CDH13: variants seen among roughly 807,000 people sequenced by gnomAD.
CDH13 encodes the protein cadherin-13.
A neutral mutation model predicts 63.8 loss-of-function variants in CDH13; 24 were observed. That is an observed-to-expected ratio of 0.38 (90% CI 0.27 to 0.53). The LOEUF (loss-of-function observed/expected upper bound fraction) is 0.53, where lower values mean the gene tolerates loss of function less well. CDH13 is among the 20% of genes least tolerant of loss of function. The pLI, the probability that CDH13 is intolerant of heterozygous loss-of-function variation, is 0.85. For synonymous variants in CDH13, 503 were observed against 355.3 expected (o/e 1.42, Z -4.67); for missense variants, 1,049 against 903.1 (o/e 1.16, Z -2.07).
At chr16:83,692,607 C>T (rs1209222582) in intron 10 of CDH13, among the ~76,000 whole-genome samples, 2 of 152,180 alleles carry the variant, frequency 1.3e-5, no homozygotes, top group Admixed American at 1.3e-4. Flanking sequence ...CCTTATTTTG[C>T]CAAACTTACT....
intron 8 of CDH13, among the ~76,000 whole-genome samples, chr16:83,646,174 A>C (rs1246136025): frequency 6.6e-6 from 1 of 152,118 alleles, no homozygotes; most frequent in African/African-American, 2.4e-5. Flanking sequence ...CGGGGTCTGA[A>C]TCCCATCTCT....
chr16:82,898,155 A>G (rs2041332616), intron 2 of CDH13, among the ~76,000 whole-genome samples: 1 of 152,246 alleles, frequency 6.6e-6, no homozygotes, highest in African/African-American at 2.4e-5. Context: ...TGGTCATATA[A>G]TGTTAAACGA....
chr16:83,463,782 G>C (rs1321977654), intron 6 of CDH13, among the ~76,000 whole-genome samples: 4 of 152,168 alleles, frequency 2.6e-5, no homozygotes, highest in Admixed American at 1.3e-4. Flanking sequence ...TCCGGCCTAG[G>C]TAACTGAGTG....
chr16:83,005,112 T>C (rs138642056), intron 2 of CDH13, among the ~76,000 whole-genome samples: 1,631 of 152,262 alleles, frequency 0.011, 18 homozygotes, highest in African/African-American at 0.031. Context: ...AGTTTCTAAC[T>C]AAGTAGCCAG....
chr16:82,706,552 G>A (rs553293674), intron 1 of CDH13, among the ~76,000 whole-genome samples: 2 of 152,080 alleles, frequency 1.3e-5, no homozygotes, highest in African/African-American at 4.8e-5. Context: ...GAAATGCAGA[G>A]GTCAGCGGAG....
At chr16:82,778,956 C>T (rs2035625501) in intron 1 of CDH13, among the ~76,000 whole-genome samples, 1 of 151,998 alleles carries the variant, frequency 6.6e-6, no homozygotes, top group Non-Finnish European at 1.5e-5. Context: ...CAGGAATTAG[C>T]CCTGGAGCCT....
At chr16:83,195,846 T>C (rs1399593249) in intron 4 of CDH13, among the ~76,000 whole-genome samples, 1 of 152,078 alleles carries the variant, frequency 6.6e-6, no homozygotes, top group Non-Finnish European at 1.5e-5. Flanking sequence ...TTAGTAAAGA[T>C]GAGAAAGGAA....
intron 6 of CDH13, among the ~76,000 whole-genome samples, chr16:83,364,162 A>T (rs547596861): frequency 6.6e-6 from 1 of 152,300 alleles, no homozygotes; most frequent in East Asian, 1.9e-4. Context: ...CCAAGCATCC[A>T]TCTAGGTTCT....
intron 5 of CDH13, among the ~76,000 whole-genome samples, chr16:83,235,100 G>C (rs541345070): frequency 3.3e-5 from 5 of 152,322 alleles, no homozygotes; most frequent in African/African-American, 1.2e-4. Context: ...AGTTACTTGG[G>C]AGGCTAAGGT....
chr16:82,905,791 G>T (rs2151253567), intron 2 of CDH13, among the ~76,000 whole-genome samples: 1 of 152,204 alleles, frequency 6.6e-6, no homozygotes, highest in South Asian at 2.1e-4. Context: ...AGAATCCAGT[G>T]TGTATTTATT....
At chr16:82,652,130 G>A (rs898247189) in intron 1 of CDH13, among the ~76,000 whole-genome samples, 1 of 152,222 alleles carries the variant, frequency 6.6e-6, no homozygotes, top group Non-Finnish European at 1.5e-5. Flanking sequence ...ACTAGCATCC[G>A]AGGCAAGATT....
intron 5 of CDH13, among the ~76,000 whole-genome samples, chr16:83,247,727 G>A (rs1476294106): frequency 6.6e-6 from 1 of 152,116 alleles, no homozygotes; most frequent in Non-Finnish European, 1.5e-5. Context: ...CCATCTTGGA[G>A]TCCACCCCAC....
At chr16:82,787,018 G>T (rs1248115773) in intron 1 of CDH13, among the ~76,000 whole-genome samples, 1 of 152,148 alleles carries the variant, frequency 6.6e-6, no homozygotes, top group Non-Finnish European at 1.5e-5. Flanking sequence ...ACAATTTCCA[G>T]TGAGTCTTGG....
intron 6 of CDH13, among the ~76,000 whole-genome samples, chr16:83,372,377 A>G (rs964416442): frequency 6.6e-6 from 1 of 152,202 alleles, no homozygotes; most frequent in Non-Finnish European, 1.5e-5. Flanking sequence ...ACTTGGCATA[A>G]GGACGTTTTT....
chr16:83,315,686 T>C (rs2090091091), intron 5 of CDH13, among the ~76,000 whole-genome samples: 1 of 152,106 alleles, frequency 6.6e-6, no homozygotes, highest in African/African-American at 2.4e-5. Context: ...TTTTTTAGTG[T>C]GTTCTCGCTA....
At chr16:83,278,629 C>G (rs1370637201) in intron 5 of CDH13, among the ~76,000 whole-genome samples, 2 of 152,162 alleles carry the variant, frequency 1.3e-5, no homozygotes, top group Non-Finnish European at 2.9e-5. Flanking sequence ...CTCTTTCAAC[C>G]ATCCAGAGTT....
chr16:83,219,715 G>T (rs2039640193), intron 5 of CDH13, among the ~76,000 whole-genome samples: 1 of 152,190 alleles, frequency 6.6e-6, no homozygotes, highest in South Asian at 2.1e-4. Flanking sequence ...TATAGTCTAT[G>T]TCATAGCATA....
At chr16:83,767,122 TG>T (rs1213665452) in intron 11 of CDH13, among the ~76,000 whole-genome samples, 1 of 152,194 alleles carries the variant, frequency 6.6e-6, no homozygotes, top group Non-Finnish European at 1.5e-5. Context: ...ATTCTTCTAA[TG>T]GGACCCTCTT....
At position 83,795,102 on chromosome 16, in the gene CDH13, T is replaced by A. The variant is rs532133147; in HGVS notation, c.*72T>A. ...GGAAAAAAAAAAATCTATCCAAATCTGAAGATTGCGGTTTACAGCTATCGA... is the reference window on the plus strand; with the variant it reads ...GGAAAAAAAAAAATCTATCCAAATCAGAAGATTGCGGTTTACAGCTATCGA... On this transcript the variant is annotated 3_prime_UTR_variant, in exon 14 of 14. Transcript: ENST00000567109. 87 of 1,377,992 alleles carry A rather than the reference T, an allele frequency of 6.3e-5. 1 individual carries two copies. In the African/African-American group the frequency reaches 1.0e-3, roughly 16 times the overall value. The allele number at this position is 1,377,992 out of a possible 1,614,324, so 85.4% of individuals were successfully genotyped here. A position where few individuals can be genotyped will look rare whatever the true frequency, so the allele number is the denominator to read the frequency against.
Sources: allele counts gnomAD v4.1 joint callset (sites outside exome capture counted in the v4.1 genomes callset), GRCh38; gene constraint gnomAD v4.1.1; transcripts MANE v1.5; gene names NCBI Gene and HGNC (gene_info 2026-07-23, HGNC 2026-07-21).